SLC4A4: variants seen among roughly 807,000 people sequenced by gnomAD.
SLC4A4 encodes the protein electrogenic sodium bicarbonate cotransporter 1.
SLC4A4 carries 27 observed loss-of-function variants against 111.5 expected under a neutral mutation model. The ratio of observed to expected loss-of-function variants is 0.24; its 90% CI spans 0.18 to 0.33. The LOEUF is 0.33. Among genes scored for constraint, SLC4A4 ranks in the 10% least tolerant of loss-of-function variants. The probability of loss-of-function intolerance (pLI) is 1.00; values close to 1 mark genes in which losing one functional copy is unlikely to be tolerated. For missense variants in SLC4A4, 909 were observed against 1,315.5 expected (o/e 0.69, Z 4.78); for synonymous variants, 443 against 463.4 (o/e 0.96, Z 0.57).
intron 7 of SLC4A4, among the ~76,000 whole-genome samples, chr4:71,420,885 C>CA: frequency 6.7e-6 from 1 of 150,172 alleles, no homozygotes; most frequent in Non-Finnish European, 1.5e-5. Flanking sequence ...AAAATCATGC[C>CA]AAAATGTAAA....
Position 71,392,589 on chromosome 4 carries a change from C to A in SLC4A4, c.731-4988C>A, listed in dbSNP as rs563771286. The stretch of plus-strand genomic sequence containing the variant: ...CAGAGTGTTGATAGAATTGGTCAGG[C>A]GTATTCAAAGAAGAATTGGTACTAA... On this transcript the variant is annotated intron_variant, in intron 6 of 25. Coordinates refer to ENST00000264485, the MANE Select transcript of SLC4A4 (RefSeq NM_001098484.3). Among the ~76,000 whole-genome samples the A allele has an allele frequency of 1.7e-4, 26 of 152,032 alleles. No homozygotes were observed. The South Asian group carries it at 5.4e-3, about 32-fold the overall frequency.
chr4:71,249,129 G>A (rs144225455), intron 2 of SLC4A4, among the ~76,000 whole-genome samples: 83 of 152,216 alleles, frequency 5.5e-4, no homozygotes, highest in African/African-American at 2.0e-3. Context: ...GGATTTCTGG[G>A]AGGCTTTCAG....
chr4:71,069,771 A>G (rs1426531925), intron 1 of SLC4A4, among the ~76,000 whole-genome samples: 1 of 152,224 alleles, frequency 6.6e-6, no homozygotes, highest in Non-Finnish European at 1.5e-5. Flanking sequence ...ATTTACAACT[A>G]CTTTAAGCCA....
At chr4:71,443,442 G>A (rs934559112) in intron 8 of SLC4A4, among the ~76,000 whole-genome samples, 7 of 151,898 alleles carry the variant, frequency 4.6e-5, no homozygotes, top group African/African-American at 1.5e-4. Flanking sequence ...GAGCCACCGT[G>A]CCCAGCCTCA....
intron 14 of SLC4A4, among the ~76,000 whole-genome samples, chr4:71,476,448 G>A (rs1728381719): frequency 6.6e-6 from 1 of 151,662 alleles, no homozygotes; most frequent in African/African-American, 2.4e-5. Flanking sequence ...TCAACACTGG[G>A]ACAGTATGTA....
At chr4:71,314,231 A>G (rs995837625) in intron 3 of SLC4A4, among the ~76,000 whole-genome samples, 6 of 152,228 alleles carry the variant, frequency 3.9e-5, no homozygotes, top group African/African-American at 1.2e-4. Context: ...ATACCATCTC[A>G]TGCCAGTTAG....
intron 2 of SLC4A4, among the ~76,000 whole-genome samples, chr4:71,107,418 C>G (rs1448999234): frequency 1.3e-5 from 2 of 152,074 alleles, no homozygotes; most frequent in Non-Finnish European, 2.9e-5. Flanking sequence ...GCCCTCTCGG[C>G]TCATTGCAAC....
chr4:71,296,767 C>T (rs541604830), intron 3 of SLC4A4, among the ~76,000 whole-genome samples: 3 of 152,074 alleles, frequency 2.0e-5, no homozygotes, highest in Non-Finnish European at 4.4e-5. Context: ...TGAAAATCTG[C>T]TCTCTCAGTT....
At chr4:71,100,998 G>A (rs541781390) in intron 2 of SLC4A4, among the ~76,000 whole-genome samples, 7 of 152,188 alleles carry the variant, frequency 4.6e-5, no homozygotes, top group Non-Finnish European at 1.0e-4. Flanking sequence ...GGTGGCTCAC[G>A]CCTGTAATCC....
intron 4 of SLC4A4, among the ~76,000 whole-genome samples, chr4:71,342,848 C>G (rs771767722): frequency 1.3e-5 from 2 of 152,120 alleles, no homozygotes; most frequent in Non-Finnish European, 2.9e-5. Flanking sequence ...TCCTTAGAGA[C>G]GTTATTTCCT....
At chr4:71,192,634 C>T (rs1353133729) in intron 1 of SLC4A4, among the ~76,000 whole-genome samples, 4 of 152,118 alleles carry the variant, frequency 2.6e-5, no homozygotes, top group African/African-American at 9.7e-5. Context: ...ACACCCCCTT[C>T]TCCCTCCCCC....
chr4:71,362,899 T>C (rs1258357896), intron 6 of SLC4A4, among the ~76,000 whole-genome samples: 1 of 152,170 alleles, frequency 6.6e-6, no homozygotes, highest in African/African-American at 2.4e-5. Context: ...TCCTCCATAT[T>C]TGTAGGCACC....
chr4:71,211,378 G>A (rs1421540811), intron 1 of SLC4A4, among the ~76,000 whole-genome samples: 1 of 152,102 alleles, frequency 6.6e-6, no homozygotes, highest in Non-Finnish European at 1.5e-5. Flanking sequence ...TATTACCTGT[G>A]AAACTCCAAA....
rs1326694065 is a variant in SLC4A4 at position 71,106,104 on chromosome 4, T to C, written c.-2+13312T>C. Among the ~76,000 whole-genome samples, 631 of 150,224 alleles carry C rather than the reference T, an allele frequency of 4.2e-3. 5 individuals are homozygous for C. Among genetic ancestry groups the C allele is most frequent in the Middle Eastern group, 0.017 (5 of 290 alleles). ...AAAAACAAACAACCCCATCAAAAAG[T>C]GGGCGAAGGACATGAACAGACACTT... On this transcript the variant is annotated intron_variant, in intron 2 of 26. Transcript: ENST00000649996.
intron 2 of SLC4A4, among the ~76,000 whole-genome samples, chr4:71,115,998 G>T (rs547306546): frequency 6.6e-6 from 1 of 152,272 alleles, no homozygotes; most frequent in African/African-American, 2.4e-5. Flanking sequence ...AGGTTGAAGC[G>T]ATTCTCCTGC....
intron 3 of SLC4A4, among the ~76,000 whole-genome samples, chr4:71,308,137 T>C (rs1372854891): frequency 6.6e-6 from 1 of 152,168 alleles, no homozygotes; most frequent in East Asian, 1.9e-4. Flanking sequence ...ATTTTCATGT[T>C]ATATGCTCAA....
rs182671324 is a variant in SLC4A4, at chr4:71,442,816, T to C, written c.965+2043T>C. Among the ~76,000 whole-genome samples the C allele has an allele frequency of 1.4e-4, 21 of 152,210 alleles. No individual in the cohort carries two copies. In the East Asian group the frequency reaches 3.9e-3, roughly 28 times the overall value. On this transcript the variant is annotated intron_variant, in intron 8 of 25. Coordinates refer to ENST00000264485, the MANE Select transcript of SLC4A4 (RefSeq NM_001098484.3). ...ATGCACCTTCTAGGAAATATGGCTC[T>C]AGCAGCTCCCATTTCTTGTGCGGAG...
intron 2 of SLC4A4, among the ~76,000 whole-genome samples, chr4:71,109,354 T>C (rs746578354): frequency 6.6e-6 from 1 of 151,972 alleles, no homozygotes; most frequent in South Asian, 2.1e-4. Flanking sequence ...GGGGGGAAAA[T>C]GCACCAATCC....
At chr4:71,429,861 G>A (rs1723482403) in intron 7 of SLC4A4, among the ~76,000 whole-genome samples, 4 of 152,064 alleles carry the variant, frequency 2.6e-5, no homozygotes, top group Admixed American at 6.6e-5. Context: ...TATGAAAGCC[G>A]TATATTCTAT....
Sources: gnomAD v4.1 joint callset for allele counts (sites outside exome capture counted in the v4.1 genomes callset) on GRCh38, gnomAD v4.1.1 for gene constraint, MANE v1.5 for transcripts, NCBI Gene and HGNC (gene_info 2026-07-23, HGNC 2026-07-21) for gene names.